EGFR: variants seen among roughly 807,000 people sequenced by gnomAD.
The protein encoded by EGFR is epidermal growth factor receptor, also known as avian erythroblastic leukemia viral (v-erb-b) oncogene homolog.
EGFR carries 58 observed loss-of-function variants against 143.0 expected under a neutral mutation model. The observed-to-expected ratio is 0.41, with a 90% CI of 0.33 to 0.50. The LOEUF (loss-of-function observed/expected upper bound fraction) is 0.50, where lower values mean the gene tolerates loss of function less well. Among genes scored for constraint, EGFR ranks in the 20% least tolerant of loss-of-function variants. EGFR has a pLI of 0.39. For missense variants in EGFR, 1,307 were observed against 1,579.0 expected, an observed-to-expected ratio of 0.83 and a Z score of 2.92; for synonymous variants, 613 against 594.4, an observed-to-expected ratio of 1.03 and a Z score of -0.45.
chr7:55,195,089 C>T (rs1787562982), intron 22 of EGFR, among the ~76,000 whole-genome samples: 1 of 152,214 alleles, frequency 6.6e-6, no homozygotes, highest in Non-Finnish European at 1.5e-5. Context: ...AATAACCTGT[C>T]TTCCCACTAG....
Position 55,181,034 on chromosome 7 carries a change from G to C in EGFR, c.2284-259G>C, listed in dbSNP as rs778415113. ...TCCTTTATCCAATGTGCTCCTCATG[G>C]CCACTGTTGCCTGGGCCTCTCTGTC... On this transcript the variant is annotated intron_variant, in intron 19 of 27. Coordinates refer to ENST00000275493, the MANE Select transcript of EGFR (RefSeq NM_005228.5). The C allele has an allele frequency of 1.2e-5, 7 of 579,052 alleles. No individual in the cohort carries two copies. The African/African-American group carries it at 1.3e-4, about 11-fold the overall frequency. The allele number at this position is 579,052 out of a possible 1,614,324, so 35.9% of individuals were successfully genotyped here.
intron 1 of EGFR, among the ~76,000 whole-genome samples, chr7:55,090,431 C>T (rs561377825): frequency 6.6e-6 from 1 of 152,330 alleles, no homozygotes; most frequent in South Asian, 2.1e-4. Context: ...GACCCTGGGT[C>T]TTTTGCTGCC....
At chr7:55,070,630 C>T (rs867392821) in intron 1 of EGFR, among the ~76,000 whole-genome samples, 4 of 152,226 alleles carry the variant, frequency 2.6e-5, no homozygotes, top group African/African-American at 4.8e-5. Flanking sequence ...ACAGATTAGA[C>T]GACTGGGATG....
At chr7:55,189,137 T>C (rs1787275814) in intron 20 of EGFR, among the ~76,000 whole-genome samples, 1 of 152,024 alleles carries the variant, frequency 6.6e-6, no homozygotes, top group Non-Finnish European at 1.5e-5. Flanking sequence ...TATACACATA[T>C]ACATATATAT....
intron 1 of EGFR, among the ~76,000 whole-genome samples, chr7:55,075,881 T>A (rs1197019181): frequency 6.6e-6 from 1 of 152,208 alleles, no homozygotes; most frequent in East Asian, 1.9e-4. Flanking sequence ...TTAGATGGGC[T>A]GGCTTTCAAG....
At chr7:55,135,584 G>A (rs1794089568) in intron 1 of EGFR, among the ~76,000 whole-genome samples, 1 of 152,048 alleles carries the variant, frequency 6.6e-6, no homozygotes, top group South Asian at 2.1e-4. Flanking sequence ...TCAAAATTAT[G>A]ACTTTTTCCA....
At chr7:55,193,682 A>G (rs1787499385) in intron 22 of EGFR, among the ~76,000 whole-genome samples, 1 of 152,224 alleles carries the variant, frequency 6.6e-6, no homozygotes, top group African/African-American at 2.4e-5. Flanking sequence ...GACAGGAGCA[A>G]GGGAGGAGTC....
At chr7:55,112,872 C>G (rs1361334669) in intron 1 of EGFR, among the ~76,000 whole-genome samples, 1 of 152,222 alleles carries the variant, frequency 6.6e-6, no homozygotes, top group African/African-American at 2.4e-5. Context: ...GCCTTACAGT[C>G]AAGTGCCAGT....
chr7:55,138,255 C>T (rs897230730), intron 1 of EGFR, among the ~76,000 whole-genome samples: 2 of 152,130 alleles, frequency 1.3e-5, no homozygotes, highest in African/African-American at 2.4e-5. Flanking sequence ...AGTCATAGGG[C>T]CTGCTGCTCT....
intron 1 of EGFR, among the ~76,000 whole-genome samples, chr7:55,110,141 T>TTTAAGGTA (rs1792387012): frequency 6.6e-6 from 1 of 152,194 alleles, no homozygotes; most frequent in Non-Finnish European, 1.5e-5. Context: ...TTTTTTAATT[T>TTTAAGGTA]AGAAAATTTA....
chr7:55,124,269 A>T (rs1415741967), intron 1 of EGFR, among the ~76,000 whole-genome samples: 4 of 152,220 alleles, frequency 2.6e-5, no homozygotes, highest in African/African-American at 9.6e-5. Context: ...AACATGTTTT[A>T]TTGATATGAG....
chr7:55,199,393 G>C (rs1787752681), intron 23 of EGFR, among the ~76,000 whole-genome samples: 2 of 152,244 alleles, frequency 1.3e-5, no homozygotes, highest in South Asian at 4.1e-4. Context: ...AGTGCAGTGG[G>C]CTCTGGAGGT....
At chr7:55,063,549 C>T (rs1291028375) in intron 1 of EGFR, among the ~76,000 whole-genome samples, 2 of 152,152 alleles carry the variant, frequency 1.3e-5, no homozygotes, top group African/African-American at 4.8e-5. Context: ...GTTCTCTTCC[C>T]ATGAGGTTCT....
intron 1 of EGFR, among the ~76,000 whole-genome samples, chr7:55,083,758 G>T (rs1023744224): frequency 3.9e-5 from 6 of 152,212 alleles, no homozygotes; most frequent in Non-Finnish European, 8.8e-5. Context: ...ATGCAGACAT[G>T]CATTAATGTT....
At position 55,079,870 on chromosome 7, in the gene EGFR, G is replaced by A. The variant is rs181864638; in HGVS notation, c.88+60505G>A. 1.4e-4 allele frequency among the ~76,000 whole-genome samples: 22 copies of A among 152,308 alleles called. No homozygotes were observed. In the East Asian group the frequency reaches 4.2e-3, roughly 29 times the overall value. ...CTTGCCAGGAGGGGCATTTGTATGT[G>A]CTGAGCATTCCTTATATTCTCAATA... On this transcript the variant is annotated intron_variant, in intron 1 of 27. Coordinates refer to ENST00000275493, the MANE Select transcript of EGFR (RefSeq NM_005228.5).
intron 27 of EGFR, 100 bp downstream of exon 27, chr7:55,202,725 C>A (rs1370934174): frequency 1.9e-6 from 2 of 1,074,212 alleles, no homozygotes; most frequent in Non-Finnish European, 2.8e-6. Flanking sequence ...CCTCCAGCAT[C>A]TCCAGAGGGG....
At position 55,165,297 on chromosome 7, in the gene EGFR, C is replaced by G. The variant is rs1785910753; in HGVS notation, c.1740C>G (p.Ile580Met). The change falls in exon 15 of 28, where the codon ATC (isoleucine) becomes ATG (methionine). Residue 580 changes from isoleucine (I) to methionine (M), a missense_variant. Coordinates refer to ENST00000275493, the MANE Select transcript of EGFR (RefSeq NM_005228.5). ...TCTGRGPDNC[I>M]QCAHYIDGPH... ...TGGTGCAGGGACCAGACAACTGTAT[C>G]CAGTGTGCCCACTACATTGACGGCC... 1 of 1,614,028 alleles carries G rather than the reference C, an allele frequency of 6.2e-7. No individual in the cohort carries two copies. The highest frequency in any genetic ancestry group is 8.5e-7 in the Non-Finnish European group (1 of 1,180,056).
chr7:55,155,167 C>T (rs1007096450), intron 7 of EGFR, among the ~76,000 whole-genome samples: 1 of 152,216 alleles, frequency 6.6e-6, no homozygotes, highest in Non-Finnish European at 1.5e-5. Context: ...GGCACAGTGG[C>T]TCATTGGCTC....
chr7:55,079,323 G>T (rs530501793), intron 1 of EGFR, among the ~76,000 whole-genome samples: 54 of 152,350 alleles, frequency 3.5e-4, no homozygotes, highest in African/African-American at 1.2e-3. Context: ...CTGTGCAGCG[G>T]GGAAGAGGGG....
Sources: gnomAD v4.1 joint callset for allele counts (sites outside exome capture counted in the v4.1 genomes callset) on GRCh38, gnomAD v4.1.1 for gene constraint, MANE v1.5 for transcripts, NCBI Gene and HGNC (gene_info 2026-07-23, HGNC 2026-07-21) for gene names.